SNX29: variants seen among roughly 807,000 people sequenced by gnomAD.
SNX29 encodes sorting nexin 29.
A neutral mutation model predicts 102.1 loss-of-function variants in SNX29; 78 were observed. The observed-to-expected ratio is 0.76, with a 90% CI of 0.64 to 0.92. The LOEUF is 0.92. SNX29 is among the 40% of genes least tolerant of loss of function. The pLI is 0.00. For missense variants in SNX29, 1,280 were observed against 1,061.7 expected, an observed-to-expected ratio of 1.21 and a Z score of -2.86; for synonymous variants, 580 against 414.5, an observed-to-expected ratio of 1.40 and a Z score of -4.85.
chr16:12,571,955 T>TTA lies in SNX29; in HGVS notation c.*3327_*3328dup, dbSNP rs1555467502. 9.4e-7 allele frequency: 1 copy of TTA among 1,061,816 alleles called. No homozygotes were observed. Among genetic ancestry groups the TTA allele is most frequent in the African/African-American group, 1.6e-5 (1 of 60,978 alleles). 65.8% of individuals were successfully genotyped at this position (1,061,816 alleles called of 1,614,324 possible). A position where few individuals can be genotyped will look rare whatever the true frequency, so the allele number is the denominator to read the frequency against. On this transcript the variant is annotated 3_prime_UTR_variant, in exon 21 of 21. Transcript: ENST00000566228. The stretch of plus-strand genomic sequence containing the variant: ...GAAGACACTTTCAGGGAAGAGGCTC[T>TTA]TACAGTCTATGGTGGTAGCCATCTT...
chr16:12,165,296 C>A (rs904051743), intron 13 of SNX29, among the ~76,000 whole-genome samples: 5 of 152,188 alleles, frequency 3.3e-5, no homozygotes, highest in Admixed American at 3.3e-4. Context: ...CATCTTGCTC[C>A]CTTTTGCAGT....
intron 14 of SNX29, 115 bp downstream of exon 14, chr16:12,199,798 T>C: frequency 1.2e-6 from 1 of 841,560 alleles, no homozygotes; most frequent in African/African-American, 1.7e-5. Context: ...TGGATTAGAA[T>C]AATGGTGCTG....
chr16:12,496,112 AC>A (rs1438492638), intron 19 of SNX29, among the ~76,000 whole-genome samples: 2 of 152,232 alleles, frequency 1.3e-5, no homozygotes, highest in African/African-American at 4.8e-5. Context: ...GAATCAGCAG[AC>A]ATGGAGACGT....
chr16:12,023,200 C>CTGG (rs1231781961), intron 3 of SNX29, among the ~76,000 whole-genome samples: 4 of 151,970 alleles, frequency 2.6e-5, no homozygotes, highest in Non-Finnish European at 4.4e-5. Context: ...CCCCACCTGA[C>CTGG]TGGTGCTTTT....
chr16:12,408,144 G>A (rs1239064766), intron 18 of SNX29, among the ~76,000 whole-genome samples: 1 of 145,218 alleles, frequency 6.9e-6, no homozygotes, highest in African/African-American at 2.5e-5. Flanking sequence ...GGGTGGCAGA[G>A]CAGGACCCTT....
At chr16:12,551,370 C>T (rs1456726827) in intron 20 of SNX29, among the ~76,000 whole-genome samples, 4 of 152,216 alleles carry the variant, frequency 2.6e-5, no homozygotes, top group African/African-American at 9.6e-5. Context: ...TTTCCATTTG[C>T]AGAACTTCCC....
At chr16:12,055,830 C>G (rs1039232178) in intron 8 of SNX29, among the ~76,000 whole-genome samples, 1 of 152,200 alleles carries the variant, frequency 6.6e-6, no homozygotes, top group East Asian at 1.9e-4. Context: ...GACCAAATAC[C>G]TGGGTATTGT....
intron 20 of SNX29, chr16:12,545,671 G>C (rs1031448985): frequency 3.3e-5 from 5 of 152,222 alleles, no homozygotes; most frequent in African/African-American, 7.2e-5. Flanking sequence ...CCAGCTTCTA[G>C]GCTCCAGGTT....
chr16:12,552,012 T>TA (rs1212889147), intron 20 of SNX29, among the ~76,000 whole-genome samples: 1 of 152,180 alleles, frequency 6.6e-6, no homozygotes, highest in Admixed American at 6.5e-5. Flanking sequence ...TCCCTGTCTC[T>TA]AAAAAACGTG....
chr16:12,500,136 C>T (rs953853176), intron 19 of SNX29, among the ~76,000 whole-genome samples: 1 of 151,864 alleles, frequency 6.6e-6, no homozygotes, highest in African/African-American at 2.4e-5. Context: ...GGGCTACAGG[C>T]ACATGCCACC....
chr16:12,304,415 G>C (rs1162641693), intron 15 of SNX29, among the ~76,000 whole-genome samples: 2 of 152,166 alleles, frequency 1.3e-5, no homozygotes, highest in Non-Finnish European at 2.9e-5. Context: ...TGGGACTACA[G>C]GTGCACGCCA....
At chr16:12,035,204 CTTTTT>C (rs3971431) in intron 4 of SNX29, among the ~76,000 whole-genome samples, 1 of 135,312 alleles carries the variant, frequency 7.4e-6, no homozygotes. Flanking sequence ...AGAAATTTCC[CTTTTT>C]TTTTTTTTTT....
intron 18 of SNX29, among the ~76,000 whole-genome samples, chr16:12,467,337 T>G (rs144629490): frequency 1.6e-3 from 246 of 152,376 alleles, no homozygotes; most frequent in African/African-American, 5.6e-3. Flanking sequence ...TATAAATGGC[T>G]ATCGCTCACT....
intron 18 of SNX29, among the ~76,000 whole-genome samples, chr16:12,474,391 G>C (rs527686315): frequency 6.6e-6 from 1 of 152,250 alleles, no homozygotes; most frequent in South Asian, 2.1e-4. Context: ...GTCCAGACTA[G>C]AGATACAGAT....
Position 12,451,091 on chromosome 16 carries a change from T to C in SNX29, c.2038-26628T>C, listed in dbSNP as rs191101988. ...TCTCCTGCCCCCAAAGTAGCCACTT[T>C]TGTCCTTGAACAGAAGAGCCGCAGA... On this transcript the variant is annotated intron_variant, in intron 18 of 20. Coordinates refer to ENST00000566228, the MANE Select transcript of SNX29 (RefSeq NM_032167.5). 1.9e-4 allele frequency among the ~76,000 whole-genome samples: 29 copies of C among 152,274 alleles called. No individual in the cohort carries two copies. In the East Asian group the frequency reaches 5.2e-3, roughly 27 times the overall value.
At chr16:12,519,560 T>C (rs1431409630) in intron 19 of SNX29, among the ~76,000 whole-genome samples, 5 of 152,246 alleles carry the variant, frequency 3.3e-5, no homozygotes, top group African/African-American at 1.2e-4. Flanking sequence ...AGGAGTAAAA[T>C]GTCATGACTA....
chr16:12,349,384 T>A (rs796443805), intron 15 of SNX29, among the ~76,000 whole-genome samples: 4 of 152,366 alleles, frequency 2.6e-5, no homozygotes, highest in African/African-American at 9.6e-5. Flanking sequence ...ACACCCATTA[T>A]TTCAATGAAC....
At chr16:12,183,025 A>G (rs755413244) in intron 13 of SNX29, among the ~76,000 whole-genome samples, 7 of 151,658 alleles carry the variant, frequency 4.6e-5, no homozygotes, top group African/African-American at 1.2e-4. Flanking sequence ...GGGGGTAGAG[A>G]CAGGGTCTCA....
intron 18 of SNX29, among the ~76,000 whole-genome samples, chr16:12,440,834 G>A (rs1029658428): frequency 3.3e-5 from 5 of 152,088 alleles, no homozygotes; most frequent in African/African-American, 9.7e-5. Context: ...TTTAACCAGC[G>A]TATCATCGAT....
Sources: allele counts gnomAD v4.1 joint callset (sites outside exome capture counted in the v4.1 genomes callset), GRCh38; gene constraint gnomAD v4.1.1; transcripts MANE v1.5; gene names NCBI Gene and HGNC (gene_info 2026-07-23, HGNC 2026-07-21).